PDCD6IP: variants seen among roughly 807,000 people sequenced by gnomAD.
PDCD6IP encodes programmed cell death 6 interacting protein.
Under a neutral mutation model 103.7 loss-of-function variants are expected in PDCD6IP, and 43 were observed. The ratio of observed to expected loss-of-function variants is 0.41; its 90% CI spans 0.32 to 0.53. PDCD6IP has a LOEUF of 0.53. PDCD6IP is among the 20% of genes least tolerant of loss of function. The pLI, the probability that PDCD6IP is intolerant of heterozygous loss-of-function variation, is 0.16. For synonymous variants in PDCD6IP, 354 were observed against 378.7 expected (o/e 0.93, Z 0.76); for missense variants, 871 against 1,036.7 (o/e 0.84, Z 2.20).
In PDCD6IP at chr3:33,836,036, C is replaced by G; in HGVS notation, c.835-8C>G. ...TTTTTTTTTTGTTGTTGACGTTTTT[C>G]TTTTTAGCATGCAGCAGAACTGATT... On this transcript the variant is annotated splice_polypyrimidine_tract_variant and splice_region_variant and intron_variant, in intron 7 of 17. Coordinates refer to ENST00000307296, the MANE Select transcript of PDCD6IP (RefSeq NM_013374.6). 7.5e-7 allele frequency: 1 copy of G among 1,330,250 alleles called. No homozygotes were observed. Among genetic ancestry groups the G allele is most frequent in the Non-Finnish European group, 1.0e-6 (1 of 979,074 alleles). The allele number at this position is 1,330,250 out of a possible 1,614,324, so 82.4% of individuals were successfully genotyped here. A position where few individuals can be genotyped will look rare whatever the true frequency, so the allele number is the denominator to read the frequency against.
At chr3:33,806,076 G>T (rs1394485722) in intron 1 of PDCD6IP, among the ~76,000 whole-genome samples, 2 of 152,034 alleles carry the variant, frequency 1.3e-5, no homozygotes, top group African/African-American at 4.8e-5. Context: ...AATTTGTCCT[G>T]TACCTATTTG....
At chr3:33,821,868 G>T in intron 3 of PDCD6IP, 87 bp from the exon 4 acceptor site, 1 of 1,265,566 alleles carries the variant, frequency 7.9e-7, no homozygotes, top group South Asian at 1.4e-5. Context: ...TCAGCGGGAT[G>T]AGAGAGGTCA....
chr3:33,817,256 A>C (rs1296219665), intron 3 of PDCD6IP, among the ~76,000 whole-genome samples: 1 of 152,136 alleles, frequency 6.6e-6, no homozygotes, highest in East Asian at 1.9e-4. Flanking sequence ...TGTGCACTCC[A>C]GGCAACTCGA....
intron 1 of PDCD6IP, among the ~76,000 whole-genome samples, chr3:33,799,715 CT>C (rs1404462022): frequency 2.6e-5 from 4 of 152,104 alleles, no homozygotes; most frequent in African/African-American, 9.7e-5. Flanking sequence ...TTTTGCATAC[CT>C]TGTTAATCTC....
In PDCD6IP at chr3:33,816,444, G is replaced by T. The variant is rs1300282924; in HGVS notation, c.334+2816G>T. 4.0e-5 allele frequency among the ~76,000 whole-genome samples: 6 copies of T among 149,082 alleles called. No homozygotes were observed. The South Asian group carries it at 6.3e-4, about 16-fold the overall frequency. On this transcript the variant is annotated intron_variant, in intron 3 of 17. Transcript: ENST00000307296. ...CACTTGAACCTGAGAGGCAGAGGTT[G>T]CAGTGAGCTGAGATTGTGCCATTGC... is the stretch of plus-strand genomic sequence containing the variant.
chr3:33,852,436 G>GA, intron 12 of PDCD6IP, 52 bp from the exon 13 acceptor site: 1 of 682,924 alleles, frequency 1.5e-6, no homozygotes, highest in Non-Finnish European at 2.2e-6. Context: ...CTCGAAATTG[G>GA]CTTTTTTTTT....
chr3:33,822,174 C>G (rs1051318872), intron 4 of PDCD6IP, 92 bp downstream of exon 4: 3 of 1,289,646 alleles, frequency 2.3e-6, no homozygotes, highest in Non-Finnish European at 3.3e-6. Context: ...ATACTTCTTA[C>G]GCAACAGATG....
At chr3:33,833,429 T>C (rs915805278) in intron 7 of PDCD6IP, among the ~76,000 whole-genome samples, 1 of 152,178 alleles carries the variant, frequency 6.6e-6, no homozygotes, top group Admixed American at 6.5e-5. Context: ...TTTTTCTTGT[T>C]CTGTATGTTT....
intron 1 of PDCD6IP, chr3:33,799,616 A>G (rs1169894999): frequency 8.8e-6 from 1 of 114,244 alleles, no homozygotes. Context: ...GCAAACGCTT[A>G]TTTAGCTCAT....
rs752309260 is a variant in PDCD6IP, at chr3:33,852,681, C to A, written c.1835C>A (p.Thr612Lys). 9 of 1,581,868 alleles carry A rather than the reference C, an allele frequency of 5.7e-6. No homozygotes were observed. The highest frequency in any genetic ancestry group is 6.8e-6 in the Non-Finnish European group (8 of 1,171,862). ...TELDRVYGGL[T>K]TKVQESLKKQ... The stretch of plus-strand genomic sequence containing the variant: ...CTAGATCGAGTCTATGGAGGTCTTA[C>A]AACTAAAGTCCAAGAATCTCTAAAG... Residue 612 changes from threonine to lysine, a missense_variant, in exon 13 of 18, where the codon ACA becomes AAA. Around this residue, in one of 5 missense-constraint regions of PDCD6IP, gnomAD observed 266 missense variants for 390.5 expected, o/e 0.68. Coordinates refer to ENST00000307296, the MANE Select transcript of PDCD6IP (RefSeq NM_013374.6).
At chr3:33,816,985 A>G (rs1696867441) in intron 3 of PDCD6IP, among the ~76,000 whole-genome samples, 1 of 152,202 alleles carries the variant, frequency 6.6e-6, no homozygotes, top group Non-Finnish European at 1.5e-5. Flanking sequence ...AGTAGCAAAA[A>G]TTGGTAATTA....
chr3:33,813,154 A>G (rs1696755899), intron 2 of PDCD6IP: 1 of 154,804 alleles, frequency 6.5e-6, no homozygotes, highest in Admixed American at 6.4e-5. Context: ...CCTATTCCCC[A>G]AAATAACCAT....
At chr3:33,843,593 C>T (rs1406421770) in intron 10 of PDCD6IP, among the ~76,000 whole-genome samples, 1 of 152,192 alleles carries the variant, frequency 6.6e-6, no homozygotes, top group Admixed American at 6.5e-5. Context: ...CAGGGATTGT[C>T]ATACATTGTT....
At position 33,820,770 on chromosome 3, in the gene PDCD6IP, A is replaced by G. The variant is rs528372689; in HGVS notation, c.335-1185A>G. Among the ~76,000 whole-genome samples the G allele has an allele frequency of 1.4e-4, 21 of 152,198 alleles. No individual in the cohort carries two copies. In the South Asian group the frequency reaches 1.4e-3, roughly 11 times the overall value. On this transcript the variant is annotated intron_variant, in intron 3 of 17. Coordinates refer to ENST00000307296, the MANE Select transcript of PDCD6IP (RefSeq NM_013374.6). ...GGCTCACTAATATTCCATTGTATGTATATACCACATTTTGTTTATATATTC... is the reference window on the plus strand; with the variant it reads ...GGCTCACTAATATTCCATTGTATGTGTATACCACATTTTGTTTATATATTC...
At chr3:33,839,203 C>T (rs1242122762) in intron 9 of PDCD6IP, among the ~76,000 whole-genome samples, 1 of 152,176 alleles carries the variant, frequency 6.6e-6, no homozygotes, top group Admixed American at 6.5e-5. Flanking sequence ...CTCTCATGCC[C>T]CTTTCCCAGT....
intron 7 of PDCD6IP, among the ~76,000 whole-genome samples, chr3:33,832,085 A>G (rs1282329497): frequency 6.6e-6 from 1 of 152,216 alleles, no homozygotes; most frequent in East Asian, 1.9e-4. Context: ...TTAGGCTGCC[A>G]TAAGAACACC....
chr3:33,804,315 C>T (rs1696544202), intron 1 of PDCD6IP, among the ~76,000 whole-genome samples: 1 of 152,220 alleles, frequency 6.6e-6, no homozygotes, highest in Non-Finnish European at 1.5e-5. Flanking sequence ...CAAGGCTCCA[C>T]CTTAGTGAAC....
intron 4 of PDCD6IP, among the ~76,000 whole-genome samples, 192 bp from the exon 5 acceptor site, chr3:33,824,995 T>A (rs746534843): frequency 6.6e-6 from 1 of 152,254 alleles, no homozygotes; most frequent in Non-Finnish European, 1.5e-5. Context: ...AAATCTCTTG[T>A]TACGCTATAG....
intron 14 of PDCD6IP, 122 bp downstream of exon 14, chr3:33,854,135 G>A: frequency 1.8e-6 from 2 of 1,097,050 alleles, no homozygotes; most frequent in Non-Finnish European, 2.5e-6. Flanking sequence ...TAGCTTTAAT[G>A]CCATTGCTGC....
Sources: gnomAD v4.1 joint callset for allele counts (sites outside exome capture counted in the v4.1 genomes callset) on GRCh38, gnomAD v4.1.1 for gene constraint, gnomAD v4.1.1 regional missense constraint, MANE v1.5 for transcripts, NCBI Gene and HGNC (gene_info 2026-07-23, HGNC 2026-07-21) for gene names.